CACNA1I: variants seen among roughly 807,000 people sequenced by gnomAD.
CACNA1I encodes the protein calcium voltage-gated channel subunit alpha1 I.
In CACNA1I, 74 loss-of-function variants were observed where a neutral mutation model predicts 201.6. That is an observed-to-expected ratio of 0.37 (90% CI 0.30 to 0.45). The LOEUF is 0.45. CACNA1I is among the 20% of genes least tolerant of loss of function. The pLI is 1.00. For missense variants in CACNA1I, 2,346 were observed against 3,138.1 expected (o/e 0.75, Z 6.03); for synonymous variants, 1,431 against 1,345.2 (o/e 1.06, Z -1.40).
chr22:39,615,516 T>C (rs192473892), intron 3 of CACNA1I, among the ~76,000 whole-genome samples: 116 of 152,158 alleles, frequency 7.6e-4, no homozygotes, highest in African/African-American at 2.6e-3. Context: ...CTATCCCAGG[T>C]TGGGCCAATT....
rs1256766483 is a variant in CACNA1I at position 39,649,963 on chromosome 22, G to T, written c.1992+38G>T. The T allele has an allele frequency of 4.4e-6, 7 of 1,607,452 alleles. No homozygotes were observed. Among genetic ancestry groups the T allele is most frequent in the Middle Eastern group, 3.3e-4 (2 of 6,030 alleles). ...CAGCCGGGCCGGGCCTGCGGGAGAG[G>T]TGTGAGGGCCCCAGGACCCTGCCCA... On this transcript the variant is annotated intron_variant, in intron 10 of 36. Coordinates refer to ENST00000402142, the MANE Select transcript of CACNA1I (RefSeq NM_021096.4). The surrounding 1 kb of genome is among the most constrained non-coding windows in gnomAD (Gnocchi z 7.3).
At chr22:39,602,449 A>G (rs1358058973) in intron 3 of CACNA1I, among the ~76,000 whole-genome samples, 1 of 152,126 alleles carries the variant, frequency 6.6e-6, no homozygotes. Context: ...CCTGTACGGA[A>G]GCTACTCTGG....
At position 39,649,378 on chromosome 22, in the gene CACNA1I, C is replaced by A; in HGVS notation, c.1568-123C>A. The A allele has an allele frequency of 2.0e-6, 2 of 1,017,818 alleles. No individual in the cohort carries two copies. The highest frequency in any genetic ancestry group is 2.8e-6 in the Non-Finnish European group (2 of 723,578). The allele number at this position is 1,017,818 out of a possible 1,614,324, so 63.0% of individuals were successfully genotyped here. ...AGGCACCCCTGACCGCCTTTCCAGG[C>A]TGGGTCGGCTGGTTCCAGGCAGACC... On this transcript the variant is annotated intron_variant, in intron 9 of 36. Transcript: ENST00000402142. The surrounding 1 kb of genome is among the most constrained non-coding windows in gnomAD (Gnocchi z 7.3).
At chr22:39,579,421 G>A (rs1932475437) in intron 1 of CACNA1I, among the ~76,000 whole-genome samples, 1 of 152,230 alleles carries the variant, frequency 6.6e-6, no homozygotes, top group South Asian at 2.1e-4. Flanking sequence ...GCTTATGGCT[G>A]GCTGTATCTG....
At chr22:39,583,238 ATCCATTCATTCATCAATCCAACTG>A (rs1932638008) in intron 1 of CACNA1I, among the ~76,000 whole-genome samples, 1 of 151,800 alleles carries the variant, frequency 6.6e-6, no homozygotes, top group Non-Finnish European at 1.5e-5. Flanking sequence ...CCATCCATCC[ATCCATTCATTCATCAATCCAACTG>A]TCCATCCATT....
At chr22:39,584,697 TC>T (rs1277421441) in intron 1 of CACNA1I, among the ~76,000 whole-genome samples, 1 of 152,200 alleles carries the variant, frequency 6.6e-6, no homozygotes, top group Non-Finnish European at 1.5e-5. Flanking sequence ...AACCTGGGGT[TC>T]ATGAGCTTGC....
intron 3 of CACNA1I, among the ~76,000 whole-genome samples, chr22:39,616,501 A>C (rs1403979700): frequency 6.6e-6 from 1 of 152,120 alleles, no homozygotes; most frequent in Non-Finnish European, 1.5e-5. Context: ...ACGGTGGCTC[A>C]CGCCTGTAAT....
intron 10 of CACNA1I, among the ~76,000 whole-genome samples, chr22:39,654,569 G>A (rs561465511): frequency 1.3e-5 from 2 of 152,278 alleles, no homozygotes; most frequent in East Asian, 1.9e-4. Context: ...AGCCCCTTAC[G>A]TGTCAAGTCA....
At chr22:39,663,913 G>A in intron 19 of CACNA1I, 72 bp downstream of exon 19, 2 of 1,592,788 alleles carry the variant, frequency 1.3e-6, no homozygotes, top group South Asian at 1.1e-5. Flanking sequence ...GAGCAGGGCA[G>A]GGAGACCTCA....
In CACNA1I at chr22:39,648,050, C is replaced by T. The variant is rs1168179870; in HGVS notation, c.1567+124C>T. ...TTGAGCAGCCGCGACCCTCTGCAGG[C>T]CTGTCTCCCTCTATAAAGTGAGGAC... On this transcript the variant is annotated intron_variant, in intron 9 of 36. Coordinates refer to ENST00000402142, the MANE Select transcript of CACNA1I (RefSeq NM_021096.4). The surrounding 1 kb of genome is among the most constrained non-coding windows in gnomAD (Gnocchi z 5.4). The T allele has an allele frequency of 1.2e-6, 1 of 808,040 alleles. No homozygotes were observed. Among genetic ancestry groups the T allele is most frequent in the African/African-American group, 1.7e-5 (1 of 58,286 alleles). 50.1% of individuals were successfully genotyped at this position (808,040 alleles called of 1,614,324 possible).
rs771446257 is a variant in CACNA1I at position 39,665,916 on chromosome 22, G to C, written c.4014G>C (p.Val1338=). The C allele has an allele frequency of 8.7e-6, 14 of 1,613,720 alleles. No individual in the cohort carries two copies. Among genetic ancestry groups the C allele is most frequent in the Middle Eastern group, 3.3e-4 (2 of 6,084 alleles). Residue 1338 remains valine, a synonymous_variant, in exon 23 of 37, where the codon GTG becomes GTC. Transcript: ENST00000402142. This position sits in a 1 kb window ranked among gnomAD's most constrained non-coding sequence, Gnocchi z 5.5. The part of the protein sequence containing the change: ...FKGKFYHCLG[V]DTRNITNRSD... ...GCAAGTTCTACCACTGTCTGGGCGT[G>C]GACACCCGCAACATCACCAACCGCT...
intron 4 of CACNA1I, among the ~76,000 whole-genome samples, chr22:39,625,852 G>T (rs542742685): frequency 7.5e-6 from 1 of 133,850 alleles, no homozygotes; most frequent in South Asian, 2.7e-4. Context: ...CCCACCCCCA[G>T]CCTGTACATC....
intron 10 of CACNA1I, among the ~76,000 whole-genome samples, chr22:39,652,153 G>A (rs987595496): frequency 1.3e-5 from 2 of 151,988 alleles, no homozygotes; most frequent in South Asian, 4.1e-4. Flanking sequence ...CCAGGCGTGT[G>A]CCACCACTCC....
At position 39,646,719 on chromosome 22, in the gene CACNA1I, T is replaced by C; in HGVS notation, c.1300T>C (p.Cys434Arg). 6.3e-7 allele frequency: 1 copy of C among 1,597,634 alleles called. No individual in the cohort carries two copies. The highest frequency in any genetic ancestry group is 8.5e-7 in the Non-Finnish European group (1 of 1,172,446). Residue 434 changes from cysteine to arginine, a missense_variant, in exon 8 of 37, where the codon TGC becomes CGC. By Grantham distance (180) the Cys-to-Arg change is radical. This residue lies in a region of CACNA1I where 312 missense variants were observed against 331.5 expected (regional missense o/e 0.94). Coordinates refer to ENST00000402142, the MANE Select transcript of CACNA1I (RefSeq NM_021096.4). ...GGCCAGCTACGCCGAGCCTGGCGAC[T>C]GCTACGAGGAGATCTTCCAGTATGT... ...TVASYAEPGD[C>R]YEEIFQYVCH...
chr22:39,617,082 G>A (rs964367874), intron 3 of CACNA1I, among the ~76,000 whole-genome samples: 8 of 152,194 alleles, frequency 5.3e-5, no homozygotes, highest in South Asian at 2.1e-4. Flanking sequence ...TAATGGGCCC[G>A]CGCTCAAATG....
Position 39,662,759 on chromosome 22 carries a change from C to A in CACNA1I, c.3373-17C>A. 6.5e-7 allele frequency: 1 copy of A among 1,544,184 alleles called. No individual in the cohort carries two copies. Among genetic ancestry groups the A allele is most frequent in the East Asian group, 2.4e-5 (1 of 41,400 alleles). On this transcript the variant is annotated splice_polypyrimidine_tract_variant and intron_variant, in intron 17 of 36. Coordinates refer to ENST00000402142, the MANE Select transcript of CACNA1I (RefSeq NM_021096.4). ...TGCGCATCGCTGACCCCCGGCGCTC[C>A]GTCCTCCTCTTGCTAGACCCTGTGC...
chr22:39,585,727 GTTTTTT>G (rs34320968), intron 1 of CACNA1I, among the ~76,000 whole-genome samples: 6 of 83,938 alleles, frequency 7.1e-5, no homozygotes, highest in Middle Eastern at 0.018. Context: ...AACTTTTAAA[GTTTTTT>G]TTTTTTTTTT....
At chr22:39,672,927 C>T (rs1935414104) in intron 27 of CACNA1I, 22 bp from the exon 28 acceptor site, 3 of 1,605,700 alleles carry the variant, frequency 1.9e-6, no homozygotes, top group Admixed American at 1.7e-5. Context: ...CCACTCCTGC[C>T]CTCCCATGCA....
intron 3 of CACNA1I, among the ~76,000 whole-genome samples, chr22:39,616,114 T>C (rs1381108561): frequency 6.6e-6 from 1 of 152,180 alleles, no homozygotes; most frequent in Non-Finnish European, 1.5e-5. Flanking sequence ...GAGGGTCATG[T>C]ATGGCGTGAA....
Sources: gnomAD v4.1 joint callset for allele counts (sites outside exome capture counted in the v4.1 genomes callset) on GRCh38, gnomAD v4.1.1 for gene constraint, gnomAD v4.1.1 regional missense constraint, Gnocchi (gnomAD v3.1) non-coding constraint, MANE v1.5 for transcripts, NCBI Gene and HGNC (gene_info 2026-07-23, HGNC 2026-07-21) for gene names.